CHM: variants seen among roughly 807,000 people sequenced by gnomAD.
The protein encoded by CHM is CHM Rab escort protein.
Under a neutral mutation model 49.0 loss-of-function variants are expected in CHM, and 10 were observed. The observed-to-expected ratio is 0.20, with a 90% confidence interval of 0.13 to 0.35. The LOEUF is 0.35. Ranked by LOEUF, CHM falls within the 10% of genes least tolerant of loss-of-function variation. The pLI is 1.00. For synonymous variants in CHM, 184 were observed against 167.5 expected (o/e 1.10, Z -0.76); for missense variants, 455 against 478.4 (o/e 0.95, Z 0.46).
chrX:86,038,352 C>T (rs1934326979), intron 1 of CHM, among the ~76,000 whole-genome samples: 1 of 111,699 alleles, frequency 9.0e-6, no homozygotes, highest in South Asian at 3.8e-4. Flanking sequence ...TCATTTGTCT[C>T]TTAACTAACT....
intron 8 of CHM, among the ~76,000 whole-genome samples, chrX:85,917,323 C>T (rs149762989): frequency 6.3e-5 from 7 of 110,732 alleles, no homozygotes; most frequent in Middle Eastern, 4.6e-3. Context: ...GGGAGAGGAT[C>T]AGGAAAAATA....
At chrX:85,985,855 C>T (rs1453617232) in intron 2 of CHM, among the ~76,000 whole-genome samples, 2 of 111,546 alleles carry the variant, frequency 1.8e-5, no homozygotes, top group Non-Finnish European at 3.8e-5. Context: ...TACATGGGAG[C>T]CTGTTCCCAT....
intron 2 of CHM, among the ~76,000 whole-genome samples, chrX:86,021,503 T>C (rs1933603294): frequency 9.1e-6 from 1 of 110,164 alleles, no homozygotes; most frequent in African/African-American, 3.3e-5. Flanking sequence ...GAAACCAAGA[T>C]CTGAACACAG....
intron 1 of CHM, among the ~76,000 whole-genome samples, chrX:86,036,871 T>C (rs1028792788): frequency 3.6e-5 from 4 of 111,176 alleles, no homozygotes; most frequent in African/African-American, 1.3e-4. Context: ...AGACTGGCCA[T>C]GAGTTGATAA....
Position 85,911,276 on chromosome X carries a change from T to C in CHM, c.1229A>G (p.Asp410Gly), listed in dbSNP as rs761255390. The C allele has an allele frequency of 2.1e-6, 2 of 956,767 alleles. No homozygotes were observed. The highest frequency in any genetic ancestry group is 5.9e-5 in the Admixed American group (2 of 34,072). The allele number at this position is 956,767 out of a possible 1,213,427, so 78.8% of individuals were successfully genotyped here. ...LRHSVQCLVV[D>G]KESRKCKAII... The stretch of plus-strand genomic sequence containing the variant: ...TCATCCTTACTTTCTGGATTCTTTG[T>C]CCACTACAAGGCACTGTACTGAATG... Residue 410 changes from aspartate (D) to glycine (G), a missense_variant, in exon 9 of 15, where the codon GAC (aspartate) becomes GGC (glycine). Asp to Gly is a moderately conservative substitution (Grantham distance 94). Coordinates refer to ENST00000357749, the MANE Select transcript of CHM (RefSeq NM_000390.4).
At chrX:85,956,483 C>G in intron 7 of CHM, 105 bp from the exon 8 acceptor site, 1 of 1,033,637 alleles carries the variant, frequency 9.7e-7, no homozygotes, top group Non-Finnish European at 1.3e-6. Context: ...TCACAAAGGA[C>G]ATAGGTGGTA....
At chrX:86,011,281 G>A (rs1414124403) in intron 2 of CHM, among the ~76,000 whole-genome samples, 2 of 111,170 alleles carry the variant, frequency 1.8e-5, no homozygotes, top group Admixed American at 9.6e-5. Context: ...TGATACTACC[G>A]GGATTATCAA....
intron 12 of CHM, among the ~76,000 whole-genome samples, chrX:85,887,899 C>T (rs1412050427): frequency 9.0e-6 from 1 of 111,618 alleles, no homozygotes; most frequent in African/African-American, 3.3e-5. Context: ...GCAAAGCATT[C>T]AAGAGGTGAC....
chrX:85,993,256 A>G (rs1249559553), intron 2 of CHM, among the ~76,000 whole-genome samples: 1 of 110,947 alleles, frequency 9.0e-6, no homozygotes, highest in Non-Finnish European at 1.9e-5. Flanking sequence ...CACACCCCCA[A>G]TTTGGTCATC....
intron 8 of CHM, among the ~76,000 whole-genome samples, chrX:85,946,343 A>C (rs775368442): frequency 7.1e-5 from 8 of 112,411 alleles, no homozygotes; most frequent in Non-Finnish European, 1.3e-4. Context: ...GAGAACTTCG[A>C]GGCAGCCCCT....
chrX:86,030,547 G>A (rs942615212), intron 1 of CHM, among the ~76,000 whole-genome samples: 3 of 111,529 alleles, frequency 2.7e-5, no homozygotes, highest in African/African-American at 9.8e-5. Flanking sequence ...GTAGTGAGAG[G>A]TTGCCATACG....
chrX:85,957,956 T>C lies in CHM; in HGVS notation c.839A>G (p.Asp280Gly), dbSNP rs200693887. The part of the protein sequence containing the change: ...RVEQVPCSRA[D>G]VFNSKQLTMV... ...AGTAAGTTGTTTGCTATTAAAGACA[T>C]CTGCTCTGGAACACGGAACCTGAAA... is the stretch of plus-strand genomic sequence containing the variant. Residue 280 changes from aspartate to glycine, a missense_variant, in exon 7 of 15, where the codon GAT (aspartate) becomes GGT (glycine). Coordinates refer to ENST00000357749, the MANE Select transcript of CHM (RefSeq NM_000390.4). 8.3e-6 allele frequency: 10 copies of C among 1,209,334 alleles called. No individual in the cohort carries two copies. Among genetic ancestry groups the C allele is most frequent in the Non-Finnish European group, 1.0e-5 (9 of 894,670 alleles).
chrX:85,907,624 T>C (rs894147583), intron 9 of CHM, among the ~76,000 whole-genome samples: 11 of 111,961 alleles, frequency 9.8e-5, no homozygotes, highest in African/African-American at 3.6e-4. Flanking sequence ...ATGCATTTGG[T>C]TACATATTCC....
At chrX:86,046,489 T>G (rs970213063) in intron 1 of CHM, among the ~76,000 whole-genome samples, 1 of 112,100 alleles carries the variant, frequency 8.9e-6, no homozygotes, top group African/African-American at 3.2e-5. Flanking sequence ...CCTGAAAACA[T>G]GGCTGCTCCT....
At chrX:86,006,670 G>C (rs1167430431) in intron 2 of CHM, among the ~76,000 whole-genome samples, 1 of 111,411 alleles carries the variant, frequency 9.0e-6, no homozygotes, top group Non-Finnish European at 1.9e-5. Flanking sequence ...TTGCTACAAA[G>C]AGAATAAAAT....
At chrX:85,963,000 A>G (rs1057193494) in intron 5 of CHM, among the ~76,000 whole-genome samples, 1 of 111,155 alleles carries the variant, frequency 9.0e-6, no homozygotes, top group Non-Finnish European at 1.9e-5. Flanking sequence ...TTTTTTTGAG[A>G]CTTTTTTCTT....
intron 8 of CHM, among the ~76,000 whole-genome samples, chrX:85,936,731 G>T (rs1304028722): frequency 1.8e-5 from 2 of 111,931 alleles, no homozygotes; most frequent in East Asian, 5.6e-4. Flanking sequence ...TTTTAATCTA[G>T]AACAAAAACA....
rs771619184 is a variant in CHM at position 85,973,160 on chromosome X, A to G, written c.314+5607T>C. On this transcript the variant is annotated intron_variant, in intron 4 of 14. Coordinates refer to ENST00000357749, the MANE Select transcript of CHM (RefSeq NM_000390.4). ...CTAAAAATACAAAAATTAGCTGCGC[A>G]TGGTGGCACGTGCCTGTAGTCCCAG... is the stretch of plus-strand genomic sequence containing the variant. 9.3e-5 allele frequency among the ~76,000 whole-genome samples: 10 copies of G among 107,134 alleles called. No individual in the cohort carries two copies. The East Asian group carries it at 2.9e-3, about 32-fold the overall frequency. 93.0% of individuals were successfully genotyped at this position (107,134 alleles called of 115,157 possible).
At chrX:85,987,481 G>A (rs983577726) in intron 2 of CHM, among the ~76,000 whole-genome samples, 1 of 111,874 alleles carries the variant, frequency 8.9e-6, no homozygotes, top group Non-Finnish European at 1.9e-5. Context: ...AAAAGATTGG[G>A]AACCCATATT....
Sources: gnomAD v4.1 joint callset for allele counts (sites outside exome capture counted in the v4.1 genomes callset) on GRCh38, gnomAD v4.1.1 for gene constraint, MANE v1.5 for transcripts, NCBI Gene and HGNC (gene_info 2026-07-23, HGNC 2026-07-21) for gene names.